Variants in KCTD8 observed in about 807,000 individuals in gnomAD.
KCTD8 encodes the protein BTB/POZ domain-containing protein KCTD8.
In KCTD8, 27 loss-of-function variants were observed where a neutral mutation model predicts 31.5. The ratio of observed to expected loss-of-function variants is 0.86; its 90% CI spans 0.63 to 1.18. The LOEUF (loss-of-function observed/expected upper bound fraction) is 1.18, where lower values mean the gene tolerates loss of function less well. Ranked by LOEUF, KCTD8 falls within the 50% of genes most tolerant of loss-of-function variation. The pLI, the probability that KCTD8 is intolerant of heterozygous loss-of-function variation, is 0.00. For missense variants in KCTD8, 658 were observed against 647.7 expected, an observed-to-expected ratio of 1.02 and a Z score of -0.17; for synonymous variants, 290 against 280.0, an observed-to-expected ratio of 1.04 and a Z score of -0.36.
At chr4:44,247,614 CT>C (rs1466566013) in intron 1 of KCTD8, among the ~76,000 whole-genome samples, 1 of 151,888 alleles carries the variant, frequency 6.6e-6, no homozygotes, top group Non-Finnish European at 1.5e-5. Context: ...TGAACAGCAA[CT>C]TTTTACCTAT....
intron 1 of KCTD8, among the ~76,000 whole-genome samples, chr4:44,416,781 A>G (rs921161356): frequency 1.3e-5 from 2 of 152,196 alleles, no homozygotes; most frequent in African/African-American, 4.8e-5. Context: ...ACCATGAACC[A>G]AAATAAAAAT....
intron 1 of KCTD8, among the ~76,000 whole-genome samples, chr4:44,393,433 A>G (rs1201818588): frequency 6.6e-6 from 1 of 151,852 alleles, no homozygotes. Context: ...TGGTTGATGA[A>G]GGGAAAAAAA....
chr4:44,191,191 TTCTC>T (rs1713754407), intron 1 of KCTD8, among the ~76,000 whole-genome samples: 1 of 152,222 alleles, frequency 6.6e-6, no homozygotes, highest in Non-Finnish European at 1.5e-5. Flanking sequence ...AATGTATTGC[TTCTC>T]TATTAATATT....
chr4:44,199,902 C>T (rs1277690075), intron 1 of KCTD8, among the ~76,000 whole-genome samples: 2 of 151,712 alleles, frequency 1.3e-5, no homozygotes, highest in Admixed American at 6.6e-5. Flanking sequence ...TGATAAACCA[C>T]TAGCTAGATT....
chr4:44,226,994 G>C (rs376745093), intron 1 of KCTD8, among the ~76,000 whole-genome samples: 89 of 151,988 alleles, frequency 5.9e-4, no homozygotes, highest in African/African-American at 1.9e-3. Flanking sequence ...TAGGTTGCCT[G>C]TTCACTCTGA....
At chr4:44,445,713 G>C (rs1721921050) in intron 1 of KCTD8, among the ~76,000 whole-genome samples, 1 of 152,102 alleles carries the variant, frequency 6.6e-6, no homozygotes, top group Non-Finnish European at 1.5e-5. Context: ...AAACTGTGCA[G>C]AACATTCATG....
chr4:44,244,373 C>T (rs1577572308), intron 1 of KCTD8, among the ~76,000 whole-genome samples: 1 of 152,108 alleles, frequency 6.6e-6, no homozygotes, highest in Admixed American at 6.5e-5. Flanking sequence ...CTTTGCCATG[C>T]TGAGTACTTT....
chr4:44,425,062 T>C (rs955035425), intron 1 of KCTD8, among the ~76,000 whole-genome samples: 2 of 152,006 alleles, frequency 1.3e-5, no homozygotes, highest in African/African-American at 4.8e-5. Context: ...GATGACCATC[T>C]GCAAGCCACA....
chr4:44,324,077 A>ACAAAC (rs1475364339), intron 1 of KCTD8, among the ~76,000 whole-genome samples: 11 of 151,570 alleles, frequency 7.3e-5, no homozygotes, highest in Admixed American at 2.0e-4. Flanking sequence ...ACAAAACAAA[A>ACAAAC]AAAAAAGGAA....
intron 1 of KCTD8, among the ~76,000 whole-genome samples, chr4:44,245,177 T>TG (rs1715617001): frequency 6.6e-6 from 1 of 151,960 alleles, no homozygotes; most frequent in Non-Finnish European, 1.5e-5. Flanking sequence ...GCATTACAGG[T>TG]GGGATAATGA....
intron 1 of KCTD8, among the ~76,000 whole-genome samples, chr4:44,424,701 A>G (rs1331909438): frequency 2.0e-5 from 3 of 152,078 alleles, no homozygotes; most frequent in Non-Finnish European, 4.4e-5. Flanking sequence ...AAACATGAAA[A>G]TGATATAAAC....
chr4:44,213,830 G>A (rs1035286751), intron 1 of KCTD8, among the ~76,000 whole-genome samples: 5 of 152,100 alleles, frequency 3.3e-5, no homozygotes, highest in Admixed American at 1.3e-4. Context: ...CCTCCTTAAA[G>A]TGTGGCATAC....
intron 1 of KCTD8, among the ~76,000 whole-genome samples, chr4:44,393,521 GA>G (rs555529015): frequency 1.2e-3 from 166 of 137,384 alleles, no homozygotes; most frequent in African/African-American, 3.8e-3. Context: ...AGTTCACACT[GA>G]AAAAAAAAAA....
chr4:44,376,025 T>C (rs539454171), intron 1 of KCTD8, among the ~76,000 whole-genome samples: 32 of 152,218 alleles, frequency 2.1e-4, no homozygotes, highest in Admixed American at 1.8e-3. Context: ...GTTGGAGTGA[T>C]TGAGACTGCA....
At chr4:44,340,588 C>A (rs534140484) in intron 1 of KCTD8, among the ~76,000 whole-genome samples, 1 of 151,688 alleles carries the variant, frequency 6.6e-6, no homozygotes, top group Non-Finnish European at 1.5e-5. Context: ...GGATTACAGG[C>A]GTGAGCCACC....
chr4:44,365,145 C>T (rs1216961907), intron 1 of KCTD8, among the ~76,000 whole-genome samples: 3 of 152,022 alleles, frequency 2.0e-5, no homozygotes, highest in Non-Finnish European at 4.4e-5. Flanking sequence ...ATATTAATAA[C>T]ATGGAAAACT....
chr4:44,192,351 C>T (rs564938781), intron 1 of KCTD8, among the ~76,000 whole-genome samples: 1 of 151,996 alleles, frequency 6.6e-6, no homozygotes, highest in Admixed American at 6.6e-5. Context: ...TTCTTTAAGG[C>T]TAGGATGGGT....
intron 1 of KCTD8, among the ~76,000 whole-genome samples, chr4:44,318,270 C>A (rs1325680815): frequency 6.6e-6 from 1 of 152,148 alleles, no homozygotes; most frequent in Non-Finnish European, 1.5e-5. Context: ...GGTATCACTA[C>A]ATAACCCAGG....
rs187674959 is a variant in KCTD8, at chr4:44,306,858, A to G, written c.962-131608T>C. Among the ~76,000 whole-genome samples the G allele has an allele frequency of 2.2e-3, 337 of 152,110 alleles. 4 individuals are homozygous for G. The highest frequency in any genetic ancestry group is 2.0e-3 in the Non-Finnish European group (136 of 67,914). On this transcript the variant is annotated intron_variant, in intron 1 of 1. Transcript: ENST00000360029. ...AGTTCCCTTTGCCACTGACTATTTA[A>G]AAAGGAGAAAAAGAAGAAACCTAAG...
Sources: gnomAD v4.1 joint callset for allele counts (sites outside exome capture counted in the v4.1 genomes callset) on GRCh38, gnomAD v4.1.1 for gene constraint, MANE v1.5 for transcripts, NCBI Gene and HGNC (gene_info 2026-07-23, HGNC 2026-07-21) for gene names.